Variants in GC observed in about 807,000 individuals in gnomAD.
GC encodes the protein GC vitamin D binding protein.
GC carries 43 observed loss-of-function variants against 56.7 expected under a neutral mutation model. The observed-to-expected ratio is 0.76, with a 90% CI of 0.59 to 0.98. The LOEUF (loss-of-function observed/expected upper bound fraction) is 0.98, where lower values mean the gene tolerates loss of function less well. GC is among the 50% of genes least tolerant of loss of function. GC has a pLI of 0.00. For missense variants in GC, 529 were observed against 545.9 expected (o/e 0.97, Z 0.31); for synonymous variants, 216 against 202.7 (o/e 1.07, Z -0.56).
chr4:71,797,697 A>C (rs911819930), intron 1 of GC, among the ~76,000 whole-genome samples: 1 of 152,210 alleles, frequency 6.6e-6, no homozygotes, highest in Non-Finnish European at 1.5e-5. Context: ...ACCAGTCCCA[A>C]TGAGATGAAC....
rs1435163024 is a variant in GC at position 71,792,682 on chromosome 4, A to G, written c.22-8628T>C. ...TAATTTAATTGGATCCCATTTGTCTATTTTGACTTTTGTTGCCATAGCTTT... is the reference window on the plus strand; with the variant it reads ...TAATTTAATTGGATCCCATTTGTCTGTTTTGACTTTTGTTGCCATAGCTTT... On this transcript the variant is annotated intron_variant, in intron 1 of 13. Coordinates refer to the GC transcript ENST00000504199. 2.0e-5 allele frequency among the ~76,000 whole-genome samples: 3 copies of G among 152,060 alleles called. No individual in the cohort carries two copies. In the East Asian group the frequency reaches 5.8e-4, roughly 29 times the overall value.
Position 71,783,961 on chromosome 4 carries a change from C to G in GC, c.58G>C (p.Gly20Arg). Residue 20 changes from glycine (G) to arginine (R), a missense_variant and splice_region_variant, in exon 1 of 13, where the codon GGC becomes CGC. Gly to Arg is a moderately radical substitution (Grantham distance 125). Transcript: ENST00000273951. ...ATGGTCACAACAAAAGAAATCTTAC[C>G]TCTCTCTAAAGCATGTCCAAATGCC... ...AVAFGHALER[G>R]RDYEKNKVCK... The G allele has an allele frequency of 6.3e-7, 1 of 1,582,790 alleles. No individual in the cohort carries two copies. The highest frequency in any genetic ancestry group is 8.6e-7 in the Non-Finnish European group (1 of 1,164,874).
chr4:71,780,548 A>G (rs1385609098), intron 1 of GC, among the ~76,000 whole-genome samples: 1 of 152,174 alleles, frequency 6.6e-6, no homozygotes, highest in East Asian at 1.9e-4. Flanking sequence ...AAAAAAACAA[A>G]CAACCCCATC....
chr4:71,763,109 T>A (rs1183607602), intron 6 of GC, among the ~76,000 whole-genome samples: 7 of 152,226 alleles, frequency 4.6e-5, no homozygotes, highest in Admixed American at 3.3e-4. Flanking sequence ...TTGTTTTGCT[T>A]TTTTGTTTGT....
intron 12 of GC, among the ~76,000 whole-genome samples, chr4:71,744,374 G>A (rs1578275882): frequency 6.7e-6 from 1 of 149,770 alleles, no homozygotes. Flanking sequence ...CAGGAGAATG[G>A]CGTGAACCCA....
intron 3 of GC, among the ~76,000 whole-genome samples, chr4:71,767,264 G>C (rs1291812842): frequency 1.3e-5 from 2 of 152,150 alleles, no homozygotes; most frequent in Non-Finnish European, 2.9e-5. Context: ...AGACAAATCT[G>C]TCTGTAAAAG....
chr4:71,775,936 A>G (rs1742493986), intron 1 of GC, among the ~76,000 whole-genome samples: 1 of 152,078 alleles, frequency 6.6e-6, no homozygotes, highest in South Asian at 2.1e-4. Context: ...GGAGATGCAA[A>G]TTAAAACCAC....
chr4:71,769,588 A>G (rs1000397465), intron 1 of GC, 188 bp from the exon 2 acceptor site: 23 of 534,476 alleles, frequency 4.3e-5, no homozygotes, highest in Non-Finnish European at 7.4e-5. Flanking sequence ...ATTTTATGAC[A>G]TTCTGTTATA....
At chr4:71,757,973 T>A (rs1553947776) in intron 7 of GC, 69 bp downstream of exon 7, 4 of 1,318,758 alleles carry the variant, frequency 3.0e-6, no homozygotes, top group Non-Finnish European at 4.3e-6. Flanking sequence ...CTTAGAAGAG[T>A]ACCTGCCACT....
chr4:71,762,779 A>G (rs1285390030), intron 6 of GC, among the ~76,000 whole-genome samples: 1 of 152,146 alleles, frequency 6.6e-6, no homozygotes, highest in African/African-American at 2.4e-5. Context: ...CCATCCACGT[A>G]AGATGTGACT....
intron 12 of GC, 31 bp downstream of exon 12, chr4:71,746,120 C>T (rs1040381293): frequency 1.0e-5 from 8 of 794,350 alleles, no homozygotes; most frequent in African/African-American, 5.2e-5. Context: ...ATGCTGGATC[C>T]GTTGGTCCTG....
intron 10 of GC, 40 bp downstream of exon 10, chr4:71,754,371 T>C (rs780290183): frequency 3.3e-6 from 3 of 898,318 alleles, no homozygotes; most frequent in African/African-American, 1.7e-5. Context: ...GAAAATATTA[T>C]TGATAAATTT....
At chr4:71,756,375 G>A (rs1051192653) in intron 8 of GC, among the ~76,000 whole-genome samples, 3 of 152,158 alleles carry the variant, frequency 2.0e-5, no homozygotes, top group Non-Finnish European at 4.4e-5. Flanking sequence ...TAAGGCAAGA[G>A]TTAACATTTC....
chr4:71,775,262 C>T (rs1015231378), intron 1 of GC, among the ~76,000 whole-genome samples: 1 of 151,860 alleles, frequency 6.6e-6, no homozygotes, highest in Non-Finnish European at 1.5e-5. Flanking sequence ...GGGCAAAGAT[C>T]ATGTCTAAAT....
At chr4:71,787,785 G>T (rs112550945), upstream of GC, among the ~76,000 whole-genome samples, 2 of 151,864 alleles carry the variant, frequency 1.3e-5, no homozygotes, top group Non-Finnish European at 2.9e-5. Flanking sequence ...TTTGGCTGAG[G>T]GGGGAAGAGT....
intron 1 of GC, among the ~76,000 whole-genome samples, chr4:71,777,115 G>A (rs576530284): frequency 6.6e-6 from 1 of 151,316 alleles, no homozygotes; most frequent in Non-Finnish European, 1.5e-5. Flanking sequence ...TTTTTAGTAT[G>A]GCCAAAAGAG....
chr4:71,765,401 C>T (rs201670774), intron 4 of GC, 31 bp downstream of exon 4: 11 of 1,554,360 alleles, frequency 7.1e-6, no homozygotes, highest in Middle Eastern at 4.1e-4. Context: ...ACTTTAGGTC[C>T]TAAAGTTCTA....
intron 12 of GC, among the ~76,000 whole-genome samples, chr4:71,744,286 C>CAAA (rs748337307): frequency 1.2e-5 from 1 of 83,584 alleles, no homozygotes; most frequent in Admixed American, 1.2e-4. Context: ...ACTAAAAATA[C>CAAA]AAAAAAAAAA....
intron 1 of GC, among the ~76,000 whole-genome samples, chr4:71,780,773 C>G (rs1742649723): frequency 6.6e-6 from 1 of 152,034 alleles, no homozygotes; most frequent in Admixed American, 6.6e-5. Context: ...AGGAACACTT[C>G]TACACTGTTG....
Sources: gnomAD v4.1 joint callset for allele counts (sites outside exome capture counted in the v4.1 genomes callset) on GRCh38, gnomAD v4.1.1 for gene constraint, MANE v1.5 for transcripts, NCBI Gene and HGNC (gene_info 2026-07-23, HGNC 2026-07-21) for gene names.